The following NGEF variants were observed in gnomAD, a reference collection of about 807,000 sequenced individuals.
NGEF encodes ephexin-1.
In NGEF, 31 loss-of-function variants were observed where a neutral mutation model predicts 80.9. That is an observed-to-expected ratio of 0.38 (90% CI 0.29 to 0.52). The LOEUF (loss-of-function observed/expected upper bound fraction) is 0.52. Ranked by LOEUF, NGEF falls within the 20% of genes least tolerant of loss-of-function variation. The pLI, the probability that NGEF is intolerant of heterozygous loss-of-function variation, is 0.84. For synonymous variants in NGEF, 371 were observed against 370.2 expected (o/e 1.00, Z -0.03); for missense variants, 709 against 926.2 (o/e 0.77, Z 3.04).
chr2:232,996,490 G>A (rs1391027719), intron 1 of NGEF, among the ~76,000 whole-genome samples: 2 of 152,222 alleles, frequency 1.3e-5, no homozygotes, highest in African/African-American at 4.8e-5. Flanking sequence ...GTTAAATATA[G>A]TCTTCCCTTG....
intron 13 of NGEF, among the ~76,000 whole-genome samples, chr2:232,881,808 C>T (rs1341094316): frequency 2.6e-5 from 4 of 152,176 alleles, no homozygotes; most frequent in Non-Finnish European, 5.9e-5. Flanking sequence ...AGCTCCTGAC[C>T]TCAGGTGATC....
intron 3 of NGEF, 147 bp downstream of exon 3, chr2:232,970,063 TTTTA>T (rs1694153778): frequency 9.7e-6 from 4 of 413,100 alleles, no homozygotes; most frequent in Admixed American, 4.7e-5. Flanking sequence ...ATTATGGAGT[TTTTA>T]TTTATTTATT....
rs375384516 is a variant in NGEF at position 232,887,565 on chromosome 2, C to T, written c.1347+468G>A. Among the ~76,000 whole-genome samples the T allele has an allele frequency of 3.9e-5, 6 of 152,208 alleles. No homozygotes were observed. The South Asian group carries it at 1.0e-3, about 26-fold the overall frequency. On this transcript the variant is annotated intron_variant, in intron 9 of 14. Coordinates refer to ENST00000264051, the MANE Select transcript of NGEF (RefSeq NM_019850.3). ...CATCAGGGCACAGGGAAAGTGGGAA[C>T]CAGCCTCGGTGAGCCTCACAGGAGG...
At chr2:232,976,673 A>G in intron 1 of NGEF, among the ~76,000 whole-genome samples, 1 of 152,106 alleles carries the variant, frequency 6.6e-6, no homozygotes, top group Non-Finnish European at 1.5e-5. Flanking sequence ...TCTATTAACC[A>G]CCTTCCCTGT....
At chr2:232,959,826 G>T (rs374936610) in intron 3 of NGEF, among the ~76,000 whole-genome samples, 1 of 152,174 alleles carries the variant, frequency 6.6e-6, no homozygotes, top group Non-Finnish European at 1.5e-5. Flanking sequence ...TAATCTGCCC[G>T]CCTCGGCCTC....
At chr2:232,926,456 C>A (rs375038124) in intron 4 of NGEF, among the ~76,000 whole-genome samples, 1 of 152,126 alleles carries the variant, frequency 6.6e-6, no homozygotes, top group Non-Finnish European at 1.5e-5. Flanking sequence ...GGCTGAGCCT[C>A]GGCTTCCCTT....
chr2:232,901,150 T>TGG (rs1210371542), intron 5 of NGEF, among the ~76,000 whole-genome samples: 1 of 152,120 alleles, frequency 6.6e-6, no homozygotes, highest in Non-Finnish European at 1.5e-5. Flanking sequence ...CGACGGGCTT[T>TGG]TACGCAGCCC....
intron 1 of NGEF, among the ~76,000 whole-genome samples, chr2:232,977,056 G>A (rs1371411081): frequency 1.3e-5 from 2 of 152,186 alleles, no homozygotes; most frequent in Non-Finnish European, 2.9e-5. Flanking sequence ...AGAACCCACA[G>A]CTCCAGCGAG....
At chr2:232,945,043 C>A (rs144292653) in intron 3 of NGEF, among the ~76,000 whole-genome samples, 2 of 151,954 alleles carry the variant, frequency 1.3e-5, no homozygotes, top group Non-Finnish European at 2.9e-5. Context: ...TGAGCCACCA[C>A]GCCTGGCCTA....
chr2:232,970,229 C>T lies in NGEF; in HGVS notation c.368G>A (p.Gly123Glu). The change falls in exon 3 of 15, where the codon GGA becomes GAA. Residue 123 changes from glycine (G) to glutamate (E), a missense_variant. Physicochemically the swap from Gly to Glu is moderately conservative, Grantham distance 98. Transcript: ENST00000264051. The stretch of plus-strand genomic sequence containing the variant: ...CATCTCTTACCTCATTTCCTGGGCT[C>T]CTGGGTCTGTCTGCATTGCTGTTCT... ...PCRTAMQTDP[G>E]AQEMSESSST... 1 of 1,589,624 alleles carries T rather than the reference C, an allele frequency of 6.3e-7. No individual in the cohort carries two copies. Among genetic ancestry groups the T allele is most frequent in the Non-Finnish European group, 8.5e-7 (1 of 1,170,966 alleles).
At chr2:232,937,981 T>G (rs983124376) in intron 3 of NGEF, among the ~76,000 whole-genome samples, 35 of 152,176 alleles carry the variant, frequency 2.3e-4, no homozygotes, top group African/African-American at 7.5e-4. Flanking sequence ...TGTGTTGCTC[T>G]GGTGGACAGT....
chr2:232,994,608 G>A lies in NGEF; in HGVS notation c.-75+18460C>T, dbSNP rs185426546. On this transcript the variant is annotated intron_variant, in intron 1 of 14. Transcript: ENST00000264051. ...CGGGGAAGCTGTGGGTGTTGGGAGCGGGGAGTGGAGCCAGCCAGGCATGGC... is the reference window on the plus strand; with the variant it reads ...CGGGGAAGCTGTGGGTGTTGGGAGCAGGGAGTGGAGCCAGCCAGGCATGGC... Among the ~76,000 whole-genome samples the A allele has an allele frequency of 1.6e-4, 24 of 152,244 alleles. No individual in the cohort carries two copies. In the East Asian group the frequency reaches 2.5e-3, roughly 16 times the overall value.
intron 5 of NGEF, among the ~76,000 whole-genome samples, chr2:232,899,493 G>C (rs918460261): frequency 2.6e-5 from 4 of 152,156 alleles, no homozygotes; most frequent in African/African-American, 7.2e-5. Flanking sequence ...TGATGGGTCA[G>C]GGGTCTCCTT....
At chr2:232,908,225 CCTAA>C (rs1199197820) in intron 5 of NGEF, among the ~76,000 whole-genome samples, 1 of 152,192 alleles carries the variant, frequency 6.6e-6, no homozygotes, top group Admixed American at 6.5e-5. Flanking sequence ...CTATTCTTCC[CCTAA>C]CTTTTTGCTG....
chr2:232,979,538 A>T (rs1235743463), intron 1 of NGEF, among the ~76,000 whole-genome samples: 1 of 152,124 alleles, frequency 6.6e-6, no homozygotes, highest in Non-Finnish European at 1.5e-5. Flanking sequence ...GAAAACCCAG[A>T]AGCTTCCCCC....
chr2:232,936,714 C>T (rs562041307), intron 3 of NGEF, among the ~76,000 whole-genome samples: 18 of 152,334 alleles, frequency 1.2e-4, no homozygotes, highest in Admixed American at 3.9e-4. Context: ...CTGGAAGCTT[C>T]GTGAGTAGAA....
chr2:232,916,552 GATA>G (rs539849968), intron 5 of NGEF, among the ~76,000 whole-genome samples: 148 of 152,292 alleles, frequency 9.7e-4, no homozygotes, highest in South Asian at 3.7e-3. Flanking sequence ...AGGGGGAAAA[GATA>G]AGAACAGGCA....
chr2:232,953,511 A>ATTT (rs1693728106), intron 3 of NGEF, among the ~76,000 whole-genome samples: 3 of 128,576 alleles, frequency 2.3e-5, no homozygotes, highest in African/African-American at 3.8e-5. Context: ...TTTTTTTTTA[A>ATTT]AAAAAAAAGA....
intron 3 of NGEF, chr2:232,927,937 C>A: frequency 7.4e-7 from 1 of 1,343,144 alleles, no homozygotes; most frequent in South Asian, 1.9e-5. Context: ...CGTCGCTTTC[C>A]GAGGTGGAAC....
Sources: gnomAD v4.1 joint callset for allele counts (sites outside exome capture counted in the v4.1 genomes callset) on GRCh38, gnomAD v4.1.1 for gene constraint, MANE v1.5 for transcripts, NCBI Gene and HGNC (gene_info 2026-07-23, HGNC 2026-07-21) for gene names.